The following SMARCA2 variants were observed in gnomAD, a reference collection of about 807,000 sequenced individuals.
The protein encoded by SMARCA2 is SWI/SNF related BAF chromatin remodeling complex subunit ATPase 2, also known as SWI/SNF-related matrix-associated actin-dependent regulator of chromatin subfamily A member 2.
In SMARCA2, 61 loss-of-function variants were observed where a neutral mutation model predicts 199.8. The observed-to-expected ratio is 0.31, with a 90% confidence interval of 0.25 to 0.38. The LOEUF is 0.38. SMARCA2 is among the 10% of genes least tolerant of loss of function. The probability of loss-of-function intolerance (pLI) is 1.00; values close to 1 mark genes in which losing one functional copy is unlikely to be tolerated. For missense variants in SMARCA2, 1,344 were observed against 2,012.2 expected, an observed-to-expected ratio of 0.67 and a Z score of 6.35; for synonymous variants, 935 against 732.0, an observed-to-expected ratio of 1.28 and a Z score of -4.48.
chr9:2,108,100 G>A (rs1234462369), intron 23 of SMARCA2, among the ~76,000 whole-genome samples: 1 of 152,184 alleles, frequency 6.6e-6, no homozygotes, highest in East Asian at 1.9e-4. Flanking sequence ...AAAAATGGCA[G>A]AGTCAGCATG....
At chr9:2,156,721 G>A (rs562366000) in intron 27 of SMARCA2, among the ~76,000 whole-genome samples, 20 of 152,050 alleles carry the variant, frequency 1.3e-4, no homozygotes, top group Non-Finnish European at 2.5e-4. Flanking sequence ...ATGAGCCACC[G>A]TACCTGGCCC....
intron 27 of SMARCA2, chr9:2,160,823 T>TC: frequency 2.4e-6 from 1 of 416,960 alleles, no homozygotes; most frequent in Non-Finnish European, 4.3e-6. Context: ...TTTTTTTTTT[T>TC]CTTCCTTGGC....
intron 28 of SMARCA2, among the ~76,000 whole-genome samples, chr9:2,167,760 C>G (rs191410539): frequency 6.6e-6 from 1 of 152,220 alleles, no homozygotes; most frequent in East Asian, 1.9e-4. Context: ...AGAAATATTT[C>G]CTTCATTGTT....
Position 2,016,956 on chromosome 9 carries a change from A to G in SMARCA2, c.-37+1552A>G, listed in dbSNP as rs1436776039. 6.6e-6 allele frequency: 1 copy of G among 151,574 alleles called. No individual in the cohort carries two copies. The highest frequency in any genetic ancestry group is 2.4e-5 in the African/African-American group (1 of 41,250). The allele number at this position is 151,574 out of a possible 1,614,324, so 9.4% of individuals were successfully genotyped here. Reference sequence around the variant, plus strand: ...TCGGCGCCCTCCGGCCGCAGGGCGCACACGGAGCACAGTGCTCCCGGTGCC... The same window carrying G: ...TCGGCGCCCTCCGGCCGCAGGGCGCGCACGGAGCACAGTGCTCCCGGTGCC... On this transcript the variant is annotated intron_variant, in intron 1 of 33. Coordinates refer to ENST00000349721, the MANE Select transcript of SMARCA2 (RefSeq NM_003070.5). This position sits in a 1 kb window ranked among gnomAD's most constrained non-coding sequence, Gnocchi z 5.6.
chr9:2,158,141 GAAAA>G (rs540032725), intron 27 of SMARCA2: 2 of 45,444 alleles, frequency 4.4e-5, no homozygotes, highest in South Asian at 1.5e-3. Flanking sequence ...TTGAAAGAAA[GAAAA>G]GAGAGAAAGA....
chr9:2,082,548 A>G (rs1293071421), intron 15 of SMARCA2, among the ~76,000 whole-genome samples: 1 of 152,154 alleles, frequency 6.6e-6, no homozygotes, highest in Non-Finnish European at 1.5e-5. Flanking sequence ...TTACGTTCCC[A>G]GTGCCTCACC....
intron 27 of SMARCA2, among the ~76,000 whole-genome samples, chr9:2,140,390 C>T (rs940729562): frequency 1.3e-5 from 2 of 152,154 alleles, no homozygotes; most frequent in African/African-American, 2.4e-5. Flanking sequence ...TGTCAGCATT[C>T]CAGGGAGATC....
chr9:2,084,787 G>A (rs1488032112), intron 17 of SMARCA2, among the ~76,000 whole-genome samples: 1 of 152,118 alleles, frequency 6.6e-6, no homozygotes, highest in Non-Finnish European at 1.5e-5. Context: ...TGAGAAAGAG[G>A]TGTTTCTGTG....
intron 27 of SMARCA2, chr9:2,157,811 T>G: frequency 2.5e-6 from 1 of 398,260 alleles, no homozygotes; most frequent in Non-Finnish European, 4.4e-6. Context: ...ATAACAGCAA[T>G]TCTTTACACC....
At chr9:2,145,929 G>A (rs1206673991) in intron 27 of SMARCA2, among the ~76,000 whole-genome samples, 1 of 152,214 alleles carries the variant, frequency 6.6e-6, no homozygotes, top group Non-Finnish European at 1.5e-5. Flanking sequence ...AGGGGATTGG[G>A]AAAGACATCC....
In SMARCA2 at chr9:2,081,846, A is replaced by G; in HGVS notation, c.2199A>G (p.Glu733=). Residue 733 remains glutamate (E), a synonymous_variant, in exon 15 of 34, where the codon GAA becomes GAG. Coordinates refer to ENST00000349721, the MANE Select transcript of SMARCA2 (RefSeq NM_003070.5). ...TLKHYQLQGL[E]WMVSLYNNNL... ...CTTCATTTCAGCTCCAGGGCCTGGA[A>G]TGGATGGTTTCCCTGTATAATAACA... is the stretch of plus-strand genomic sequence containing the variant. 2 of 1,613,994 alleles carry G rather than the reference A, an allele frequency of 1.2e-6. No homozygotes were observed. Among genetic ancestry groups the G allele is most frequent in the Non-Finnish European group, 8.5e-7 (1 of 1,179,942 alleles).
At chr9:2,076,071 C>G (rs992922883) in intron 12 of SMARCA2, among the ~76,000 whole-genome samples, 158 bp from the exon 13 acceptor site, 2 of 152,156 alleles carry the variant, frequency 1.3e-5, no homozygotes, top group Admixed American at 1.3e-4. Flanking sequence ...GGGGTATTAC[C>G]TTACTTAAGT....
At chr9:2,107,437 C>A (rs1185969551) in intron 23 of SMARCA2, among the ~76,000 whole-genome samples, 2 of 152,186 alleles carry the variant, frequency 1.3e-5, no homozygotes, top group African/African-American at 4.8e-5. Flanking sequence ...TGTGCCCCAC[C>A]CTCCCAAGTA....
In SMARCA2 at chr9:2,170,599, G is replaced by A; in HGVS notation, c.4253+127G>A. Reference sequence around the variant, plus strand: ...GGTCACCTCCTGATCACCCCTACTTGGAGAGCGGGATAGAGGCACAGATAC... The same window carrying A: ...GGTCACCTCCTGATCACCCCTACTTAGAGAGCGGGATAGAGGCACAGATAC... On this transcript the variant is annotated intron_variant, in intron 29 of 33. Transcript: ENST00000349721. The surrounding 1 kb of genome is among the most constrained non-coding windows in gnomAD (Gnocchi z 4.7). The A allele has an allele frequency of 2.0e-6, 3 of 1,474,878 alleles. No homozygotes were observed. In the South Asian group the frequency reaches 3.7e-5, roughly 18 times the overall value. 91.4% of individuals were successfully genotyped at this position (1,474,878 alleles called of 1,614,324 possible).
chr9:2,062,082 G>A (rs1586661655), intron 9 of SMARCA2, among the ~76,000 whole-genome samples: 1 of 152,162 alleles, frequency 6.6e-6, no homozygotes, highest in African/African-American at 2.4e-5. Context: ...TTCAGAGTTA[G>A]TGAGGAACAT....
chr9:2,031,212 T>C (rs1348467835), intron 2 of SMARCA2, among the ~76,000 whole-genome samples: 1 of 152,266 alleles, frequency 6.6e-6, no homozygotes, highest in Non-Finnish European at 1.5e-5. Context: ...TCTAGTTTTC[T>C]GTCTCCTCTT....
intron 29 of SMARCA2, among the ~76,000 whole-genome samples, chr9:2,177,847 C>G (rs546262355): frequency 6.6e-6 from 1 of 152,138 alleles, no homozygotes; most frequent in Non-Finnish European, 1.5e-5. Context: ...CCACCGTGCC[C>G]GGCCAGAGGT....
chr9:2,099,662 T>C (rs1055803059), intron 21 of SMARCA2, among the ~76,000 whole-genome samples: 3 of 152,182 alleles, frequency 2.0e-5, no homozygotes, highest in South Asian at 4.1e-4. Context: ...TCCACAGTTA[T>C]TGGCAAATCT....
rs188558347 is a variant in SMARCA2 at position 2,182,546 on chromosome 9, T to A, written c.4461+304T>A. 3.6e-5 allele frequency among the ~76,000 whole-genome samples: 5 copies of A among 140,746 alleles called. No homozygotes were observed. In the East Asian group the frequency reaches 1.1e-3, roughly 31 times the overall value. 92.3% of individuals were successfully genotyped at this position (140,746 alleles called of 152,430 possible). A position where few individuals can be genotyped will look rare whatever the true frequency, so the allele number is the denominator to read the frequency against. On this transcript the variant is annotated intron_variant, in intron 31 of 33. Transcript: ENST00000349721. The stretch of plus-strand genomic sequence containing the variant: ...AATTTCACTGTCTCCCAGGCTGGAG[T>A]GCAGTGGTGCCTTCTCGGCTCATGG...
Sources: allele counts gnomAD v4.1 joint callset (sites outside exome capture counted in the v4.1 genomes callset), GRCh38; gene constraint gnomAD v4.1.1; non-coding constraint Gnocchi (gnomAD v3.1); transcripts MANE v1.5; gene names NCBI Gene and HGNC (gene_info 2026-07-23, HGNC 2026-07-21).